The following ZC3H13 variants were observed in gnomAD, a reference collection of about 807,000 sequenced individuals.
The protein encoded by ZC3H13 is zinc finger CCCH domain-containing protein 13.
Under a neutral mutation model 204.1 loss-of-function variants are expected in ZC3H13, and 64 were observed. That is an observed-to-expected ratio of 0.31 (90% CI 0.26 to 0.39). ZC3H13 has a LOEUF of 0.39. Ranked by LOEUF, ZC3H13 falls within the 10% of genes least tolerant of loss-of-function variation. The pLI is 1.00. For missense variants in ZC3H13, 1,833 were observed against 2,082.7 expected (o/e 0.88, Z 2.33); for synonymous variants, 667 against 693.7 (o/e 0.96, Z 0.60).
chr13:45,975,340 C>G lies in ZC3H13; in HGVS notation c.2411G>C (p.Arg804Pro), dbSNP rs768776672. Reference protein sequence around the residue: ...DKGRDDRREKREEIREDRNPR... With the variant: ...DKGRDDRREKPEEIREDRNPR... ...ATTCCTATCTTCTCGGATCTCTTCT[C>G]GCTTTTCTCTGCGGTCATCTCGTCC... Residue 804 changes from arginine to proline, a missense_variant, in exon 12 of 19, where the codon CGA becomes CCA. Around this residue, in one of 5 missense-constraint regions of ZC3H13, gnomAD observed 1,574 missense variants for 1,757.2 expected, o/e 0.90. Coordinates refer to ENST00000679008, the MANE Select transcript of ZC3H13 (RefSeq NM_001330564.2). The G allele has an allele frequency of 9.9e-6, 16 of 1,614,058 alleles. No individual in the cohort carries two copies. Among genetic ancestry groups the G allele is most frequent in the Non-Finnish European group, 1.3e-5 (15 of 1,180,002 alleles).
chr13:46,006,509 G>A (rs1210028103), intron 7 of ZC3H13, among the ~76,000 whole-genome samples: 1 of 150,778 alleles, frequency 6.6e-6, no homozygotes, highest in Non-Finnish European at 1.5e-5. Flanking sequence ...CTGTATTAAC[G>A]TTTCTGTGTA....
intron 12 of ZC3H13, among the ~76,000 whole-genome samples, chr13:45,972,969 T>C (rs1297436610): frequency 6.6e-6 from 1 of 152,226 alleles, no homozygotes; most frequent in African/African-American, 2.4e-5. Context: ...GAGACAATCC[T>C]GGGCCTCCAG....
chr13:45,959,463 T>C lies in ZC3H13; in HGVS notation c.4839+20A>G. The C allele has an allele frequency of 6.6e-7, 1 of 1,517,510 alleles. No homozygotes were observed. Among genetic ancestry groups the C allele is most frequent in the Non-Finnish European group, 8.8e-7 (1 of 1,133,848 alleles). 94.0% of individuals were successfully genotyped at this position (1,517,510 alleles called of 1,614,324 possible). ...ATTCACACTATTCACTTTGTATTTT[T>C]TCCAAGGAAATAACAGTACCTTCTC... On this transcript the variant is annotated intron_variant, in intron 18 of 18. Coordinates refer to ENST00000679008, the MANE Select transcript of ZC3H13 (RefSeq NM_001330564.2).
chr13:45,978,265 G>A (rs1252765423), intron 11 of ZC3H13, among the ~76,000 whole-genome samples: 1 of 151,968 alleles, frequency 6.6e-6, no homozygotes, highest in Non-Finnish European at 1.5e-5. Context: ...ATTCTACAAG[G>A]ACAAGAAATT....
At chr13:45,998,159 C>A (rs549909377) in intron 8 of ZC3H13, among the ~76,000 whole-genome samples, 1 of 152,136 alleles carries the variant, frequency 6.6e-6, no homozygotes, top group Non-Finnish European at 1.5e-5. Context: ...CCTTATCAAT[C>A]TGAAGACAGT....
intron 4 of ZC3H13, among the ~76,000 whole-genome samples, chr13:46,027,218 C>T (rs1409149039): frequency 6.6e-6 from 1 of 152,168 alleles, no homozygotes; most frequent in Non-Finnish European, 1.5e-5. Context: ...CATCCTCTCA[C>T]CTCAGCCTCC....
chr13:46,050,495 T>C (rs9534297), intron 1 of ZC3H13, among the ~76,000 whole-genome samples: 117,520 of 152,094 alleles, frequency 0.77, 45,778 homozygotes, highest in African/African-American at 0.86. Flanking sequence ...TTCAAACAAT[T>C]AGGCAATTAA....
chr13:45,989,285 A>C (rs761427702), intron 8 of ZC3H13, among the ~76,000 whole-genome samples, 188 bp from the exon 9 acceptor site: 3 of 152,236 alleles, frequency 2.0e-5, no homozygotes, highest in Non-Finnish European at 4.4e-5. Flanking sequence ...CTTTAAGTCA[A>C]CTAGAAGCAA....
chr13:45,992,392 A>G (rs1391907279), intron 8 of ZC3H13, among the ~76,000 whole-genome samples: 1 of 152,216 alleles, frequency 6.6e-6, no homozygotes, highest in Non-Finnish European at 1.5e-5. Context: ...TATTGCTACT[A>G]TGTGTGTGAC....
chr13:46,010,293 T>C lies in ZC3H13; in HGVS notation c.746+55A>G, dbSNP rs139106453. On this transcript the variant is annotated intron_variant, in intron 7 of 18. Transcript: ENST00000679008. ...CCCTTTTATAACCTACTAATTCTTT[T>C]TAGTATCACTTCAGAAAAAGCTATT... 283 of 1,468,026 alleles carry C rather than the reference T, an allele frequency of 1.9e-4. 1 individual carries two copies. In the African/African-American group the frequency reaches 3.6e-3, roughly 19 times the overall value. 90.9% of individuals were successfully genotyped at this position (1,468,026 alleles called of 1,614,324 possible).
chr13:46,032,421 A>G (rs951805453), intron 4 of ZC3H13, among the ~76,000 whole-genome samples: 6 of 152,014 alleles, frequency 3.9e-5, no homozygotes, highest in Admixed American at 1.3e-4. Context: ...ACCTGTAAAT[A>G]CATGAAGATG....
chr13:45,988,819 T>C lies in ZC3H13; in HGVS notation c.1223A>G (p.Gln408Arg). Residue 408 changes from glutamine to arginine, a missense_variant, in exon 9 of 19, where the codon CAG becomes CGG. Coordinates refer to ENST00000679008, the MANE Select transcript of ZC3H13 (RefSeq NM_001330564.2). ...KGRHDHERTS[Q>R]SHDRRHERRE... ...CCTTTCATGGCGTCGATCATGAGACTGTGAAGTTCGTTCATGATCATGTCT... is the reference window on the plus strand; with the variant it reads ...CCTTTCATGGCGTCGATCATGAGACCGTGAAGTTCGTTCATGATCATGTCT... 6.2e-7 allele frequency: 1 copy of C among 1,613,780 alleles called. No individual in the cohort carries two copies. Among genetic ancestry groups the C allele is most frequent in the Non-Finnish European group, 8.5e-7 (1 of 1,179,674 alleles).
intron 10 of ZC3H13, 103 bp downstream of exon 10, chr13:45,985,194 G>T: frequency 8.3e-7 from 1 of 1,201,006 alleles, no homozygotes; most frequent in Non-Finnish European, 1.1e-6. Flanking sequence ...AAAAATTACT[G>T]TGACAAAATG....
chr13:46,043,230 T>C (rs1448055121), intron 3 of ZC3H13, among the ~76,000 whole-genome samples: 4 of 151,996 alleles, frequency 2.6e-5, no homozygotes, highest in African/African-American at 4.8e-5. Flanking sequence ...CAAGCAGTCA[T>C]TGGGCAATCA....
chr13:45,960,329 C>CT (rs1367606300), intron 17 of ZC3H13, among the ~76,000 whole-genome samples: 1 of 152,140 alleles, frequency 6.6e-6, no homozygotes, highest in South Asian at 2.1e-4. Context: ...TCATTGAACT[C>CT]TAATTCAGTA....
chr13:45,985,755 CTAG>C lies in ZC3H13; in HGVS notation c.1259_1261del (p.Thr420del). The C allele has an allele frequency of 6.3e-7, 1 of 1,596,406 alleles. No homozygotes were observed. The highest frequency in any genetic ancestry group is 8.5e-7 in the Non-Finnish European group (1 of 1,174,222). On this transcript the variant is annotated inframe_deletion, in exon 10 of 19. Transcript: ENST00000679008. ...GTCCTTTTCTCTGTCTCGTTTGCCC[CTAG>C]TATCTGTAATGCAATTTTGGAAATT... is the stretch of plus-strand genomic sequence containing the variant.
chr13:46,041,938 G>A (rs1348067659), intron 4 of ZC3H13, among the ~76,000 whole-genome samples: 1 of 152,042 alleles, frequency 6.6e-6, no homozygotes, highest in East Asian at 1.9e-4. Context: ...ACTAAGTTCA[G>A]CTTGAGTTCT....
chr13:45,959,706 A>G, intron 17 of ZC3H13, 60 bp from the exon 18 acceptor site: 4 of 1,418,640 alleles, frequency 2.8e-6, no homozygotes, highest in Non-Finnish European at 3.7e-6. Flanking sequence ...GTTACCAACT[A>G]CTTAACTGAA....
At chr13:45,958,291 TTC>T (rs1458781354) in intron 18 of ZC3H13, among the ~76,000 whole-genome samples, 2 of 152,220 alleles carry the variant, frequency 1.3e-5, no homozygotes, top group Non-Finnish European at 2.9e-5. Context: ...TCAAAGATAA[TTC>T]TGTTTTCCTA....
Sources: allele counts gnomAD v4.1 joint callset (sites outside exome capture counted in the v4.1 genomes callset), GRCh38; gene constraint gnomAD v4.1.1; regional missense constraint gnomAD v4.1.1; transcripts MANE v1.5; gene names NCBI Gene and HGNC (gene_info 2026-07-23, HGNC 2026-07-21).